Variants in OXR1 observed in about 807,000 individuals in gnomAD.
The protein encoded by OXR1 is oxidation resistance protein 1.
Under a neutral mutation model 104.6 loss-of-function variants are expected in OXR1, and 41 were observed. The observed-to-expected ratio is 0.39, with a 90% CI of 0.31 to 0.51. OXR1 has a LOEUF of 0.51. OXR1 is among the 20% of genes least tolerant of loss of function. OXR1 has a pLI of 0.77. For missense variants in OXR1, 955 were observed against 1,031.9 expected (o/e 0.93, Z 1.02); for synonymous variants, 348 against 348.4 (o/e 1.00, Z 0.01).
chr8:106,309,018 A>C (rs904438428), intron 1 of OXR1, among the ~76,000 whole-genome samples: 1 of 151,556 alleles, frequency 6.6e-6, no homozygotes, highest in African/African-American at 2.4e-5. Context: ...TTGCTCTGTC[A>C]TACAGGCTGG....
At chr8:106,480,125 CT>C (rs1822026594) in intron 2 of OXR1, among the ~76,000 whole-genome samples, 1 of 151,912 alleles carries the variant, frequency 6.6e-6, no homozygotes, top group Non-Finnish European at 1.5e-5. Flanking sequence ...GAACTGATTA[CT>C]TTTTCATTAA....
intron 2 of OXR1, among the ~76,000 whole-genome samples, chr8:106,484,178 C>T (rs79072280): frequency 2.4e-3 from 361 of 151,734 alleles, no homozygotes; most frequent in Admixed American, 5.2e-3. Context: ...AAAGACATAC[C>T]TGGTAGAGGA....
intron 3 of OXR1, among the ~76,000 whole-genome samples, chr8:106,591,276 G>A (rs1408779898): frequency 2.9e-4 from 36 of 125,486 alleles, no homozygotes; most frequent in Non-Finnish European, 5.6e-4. Context: ...ATCACACACT[G>A]GGGACTGTTG....
At chr8:106,676,452 C>G (rs1377141243) in intron 3 of OXR1, among the ~76,000 whole-genome samples, 2 of 152,052 alleles carry the variant, frequency 1.3e-5, no homozygotes, top group Admixed American at 6.6e-5. Context: ...ATGGTCTTTC[C>G]TTTCCATATT....
intron 2 of OXR1, among the ~76,000 whole-genome samples, chr8:106,425,180 T>G (rs1213353632): frequency 6.7e-6 from 1 of 149,446 alleles, no homozygotes; most frequent in East Asian, 2.0e-4. Context: ...CATGGCTCAT[T>G]GCAGCCTAAA....
At chr8:106,750,726 G>A (rs531354730) in intron 16 of OXR1, 80 bp from the exon 17 acceptor site, 31 of 971,720 alleles carry the variant, frequency 3.2e-5, no homozygotes, top group Non-Finnish European at 4.8e-5. Context: ...CTTTAGGGTT[G>A]TTAGGTATTC....
chr8:106,742,889 C>T (rs1835038443), intron 15 of OXR1, among the ~76,000 whole-genome samples: 1 of 152,048 alleles, frequency 6.6e-6, no homozygotes, highest in Admixed American at 6.6e-5. Context: ...TAGATACGGG[C>T]AAAGATTTCA....
chr8:106,456,801 T>C (rs534862384), intron 2 of OXR1, among the ~76,000 whole-genome samples: 1 of 152,282 alleles, frequency 6.6e-6, no homozygotes, highest in African/African-American at 2.4e-5. Context: ...ACCAAAGGAA[T>C]GATAGATGGA....
chr8:106,345,686 G>GTTTCTCT (rs1815448183), intron 1 of OXR1, among the ~76,000 whole-genome samples: 1 of 152,146 alleles, frequency 6.6e-6, no homozygotes, highest in Admixed American at 6.5e-5. Flanking sequence ...AATATACAGA[G>GTTTCTCT]AAAGATTAAC....
At chr8:106,349,571 G>GAA (rs1815637939) in intron 1 of OXR1, among the ~76,000 whole-genome samples, 1 of 152,098 alleles carries the variant, frequency 6.6e-6, no homozygotes, top group Non-Finnish European at 1.5e-5. Flanking sequence ...GGAAGCCAAA[G>GAA]AAAAAGATCA....
At chr8:106,543,003 A>G (rs1815077492) in intron 3 of OXR1, among the ~76,000 whole-genome samples, 3 of 152,074 alleles carry the variant, frequency 2.0e-5, no homozygotes, top group Admixed American at 2.0e-4. Context: ...TTAGCTTTTG[A>G]CTTAAGACAC....
At chr8:106,586,809 GT>G (rs1472696333) in intron 3 of OXR1, among the ~76,000 whole-genome samples, 1 of 152,152 alleles carries the variant, frequency 6.6e-6, no homozygotes, top group African/African-American at 2.4e-5. Context: ...AGAGATAAAT[GT>G]GTTGAATGAG....
Position 106,518,966 on chromosome 8 carries a change from T to G in OXR1, c.47T>G (p.Val16Gly), listed in dbSNP as rs1461484575. ...AGGCTGAAGAAAAAGTCCCAGTCGG[T>G]GGATATTAATGCTCCAGGGTTCAAC... ...LSWLKKKSQS[V>G]DINAPGFNPL... The change falls in exon 3 of 17, where the codon GTG (valine) becomes GGG (glycine). Residue 16 changes from valine (V) to glycine (G), a missense_variant. Val to Gly is a moderately radical substitution (Grantham distance 109). Around this residue, in one of 2 missense-constraint regions of OXR1, gnomAD observed 849 missense variants for 852.9 expected, o/e 1.00. Coordinates refer to ENST00000517566, the MANE Select transcript of OXR1 (RefSeq NM_001198533.2). The G allele has an allele frequency of 4.8e-5, 74 of 1,550,914 alleles. No homozygotes were observed. The highest frequency in any genetic ancestry group is 6.3e-5 in the Non-Finnish European group (72 of 1,146,604).
At chr8:106,458,448 T>C (rs1820726323) in intron 2 of OXR1, among the ~76,000 whole-genome samples, 1 of 152,016 alleles carries the variant, frequency 6.6e-6, no homozygotes, top group Non-Finnish European at 1.5e-5. Flanking sequence ...GAAGTTTGGC[T>C]CCCTCCACCA....
At chr8:106,650,439 T>C (rs887882476) in intron 3 of OXR1, among the ~76,000 whole-genome samples, 6 of 152,164 alleles carry the variant, frequency 3.9e-5, no homozygotes, top group African/African-American at 1.4e-4. Flanking sequence ...CTTAGACAAC[T>C]TAAGAAAGAT....
chr8:106,495,904 G>A (rs1811383269), intron 2 of OXR1, among the ~76,000 whole-genome samples: 1 of 152,032 alleles, frequency 6.6e-6, no homozygotes, highest in Non-Finnish European at 1.5e-5. Flanking sequence ...ATAGTGATGA[G>A]CACAGATTTT....
intron 15 of OXR1, among the ~76,000 whole-genome samples, chr8:106,744,452 C>T (rs376153383): frequency 6.6e-6 from 1 of 152,064 alleles, no homozygotes; most frequent in African/African-American, 2.4e-5. Flanking sequence ...AAATTATGGA[C>T]TTAGTAAAGA....
chr8:106,628,138 G>A (rs890337890), intron 3 of OXR1, among the ~76,000 whole-genome samples: 11 of 152,082 alleles, frequency 7.2e-5, no homozygotes, highest in African/African-American at 2.7e-4. Flanking sequence ...TGGCACATGT[G>A]GGTCTTTCAG....
At chr8:106,626,556 A>AATT (rs1377472925) in intron 3 of OXR1, among the ~76,000 whole-genome samples, 1 of 146,864 alleles carries the variant, frequency 6.8e-6, no homozygotes, top group Admixed American at 6.8e-5. Flanking sequence ...CCATGTTGTA[A>AATT]ATTTTTTTTT....
Sources: gnomAD v4.1 joint callset for allele counts (sites outside exome capture counted in the v4.1 genomes callset) on GRCh38, gnomAD v4.1.1 for gene constraint, gnomAD v4.1.1 regional missense constraint, MANE v1.5 for transcripts, NCBI Gene and HGNC (gene_info 2026-07-23, HGNC 2026-07-21) for gene names.